BTBD9: variants seen among roughly 807,000 people sequenced by gnomAD.
The protein encoded by BTBD9 is BTB/POZ domain-containing protein 9.
BTBD9 carries 49 observed loss-of-function variants against 64.3 expected under a neutral mutation model. The observed-to-expected ratio is 0.76, with a 90% CI of 0.61 to 0.97. The LOEUF is 0.97. BTBD9 is among the 50% of genes least tolerant of loss of function. The pLI is 0.00. For synonymous variants in BTBD9, 260 were observed against 274.7 expected (o/e 0.95, Z 0.53); for missense variants, 598 against 762.1 (o/e 0.78, Z 2.53).
intron 7 of BTBD9, among the ~76,000 whole-genome samples, chr6:38,334,056 G>C (rs1763786546): frequency 6.6e-6 from 1 of 152,190 alleles, no homozygotes; most frequent in South Asian, 2.1e-4. Context: ...TTGGGAACTG[G>C]AGTAAAGGTC....
At chr6:38,466,553 A>G (rs1474690107) in intron 6 of BTBD9, among the ~76,000 whole-genome samples, 1 of 151,526 alleles carries the variant, frequency 6.6e-6, no homozygotes, top group African/African-American at 2.4e-5. Context: ...TCGGCCTCCC[A>G]AATTGCTAGG....
At chr6:38,411,448 G>A (rs1767421292) in intron 6 of BTBD9, among the ~76,000 whole-genome samples, 1 of 152,114 alleles carries the variant, frequency 6.6e-6, no homozygotes, top group Non-Finnish European at 1.5e-5. Context: ...GCAAATCAGG[G>A]ATGGGCTTTT....
chr6:38,207,490 G>A, intron 9 of BTBD9: 1 of 158,154 alleles, frequency 6.3e-6, no homozygotes, highest in Non-Finnish European at 1.4e-5. Context: ...AGGTGTGGTG[G>A]CACATGCTTG....
At chr6:38,366,717 T>C (rs1194117363) in intron 6 of BTBD9, among the ~76,000 whole-genome samples, 1 of 152,194 alleles carries the variant, frequency 6.6e-6, no homozygotes, top group Non-Finnish European at 1.5e-5. Context: ...AAAAGAATGA[T>C]GAATGTAATG....
At chr6:38,404,552 A>T (rs200042382) in intron 6 of BTBD9, among the ~76,000 whole-genome samples, 7 of 57,782 alleles carry the variant, frequency 1.2e-4, no homozygotes, top group Non-Finnish European at 1.8e-4. Context: ...GCAAGTCAAT[A>T]AAAAAAAACA....
At chr6:38,286,225 C>A (rs1488131544) in intron 8 of BTBD9, among the ~76,000 whole-genome samples, 1 of 152,194 alleles carries the variant, frequency 6.6e-6, no homozygotes, top group African/African-American at 2.4e-5. Context: ...AATGAAGAAT[C>A]CACAGTCTGA....
intron 6 of BTBD9, among the ~76,000 whole-genome samples, chr6:38,436,286 A>G (rs1377316801): frequency 6.6e-6 from 1 of 151,814 alleles, no homozygotes; most frequent in Non-Finnish European, 1.5e-5. Context: ...CTTTCTATAA[A>G]TACTTTATTT....
intron 7 of BTBD9, among the ~76,000 whole-genome samples, chr6:38,304,564 A>AAC (rs1762553970): frequency 6.6e-6 from 1 of 151,668 alleles, no homozygotes; most frequent in African/African-American, 2.4e-5. Context: ...AACAAAAAAA[A>AAC]AAAAAAAACC....
At chr6:38,238,667 G>A (rs1036361933) in intron 9 of BTBD9, among the ~76,000 whole-genome samples, 1 of 151,956 alleles carries the variant, frequency 6.6e-6, no homozygotes. Context: ...TAGAGACGGG[G>A]TTTCACCGTG....
intron 6 of BTBD9, among the ~76,000 whole-genome samples, chr6:38,525,108 A>T (rs1445902238): frequency 6.6e-6 from 1 of 152,164 alleles, no homozygotes; most frequent in East Asian, 1.9e-4. Context: ...CTGTGTCCCC[A>T]CCCAAACCTC....
chr6:38,328,887 C>T (rs911250091), intron 7 of BTBD9, among the ~76,000 whole-genome samples: 6 of 149,402 alleles, frequency 4.0e-5, no homozygotes, highest in African/African-American at 1.5e-4. Context: ...GTGGAGTTTG[C>T]AGTGAGCCAA....
chr6:38,445,872 T>C (rs1345799963), intron 6 of BTBD9, among the ~76,000 whole-genome samples: 2 of 152,190 alleles, frequency 1.3e-5, no homozygotes, highest in South Asian at 4.1e-4. Context: ...TCTTGGCTAA[T>C]ATAAAGTTAT....
chr6:38,294,775 C>G (rs1762097141), intron 7 of BTBD9, among the ~76,000 whole-genome samples: 2 of 150,524 alleles, frequency 1.3e-5, no homozygotes, highest in Middle Eastern at 6.8e-3. Flanking sequence ...ACATTCTGCA[C>G]ATGTATCCCA....
intron 6 of BTBD9, among the ~76,000 whole-genome samples, chr6:38,453,274 A>G (rs1169640692): frequency 1.3e-5 from 2 of 152,170 alleles, no homozygotes; most frequent in Non-Finnish European, 2.9e-5. Context: ...TCTTTCAGCT[A>G]TTATATGGGT....
At chr6:38,613,406 G>T (rs1446353542) in intron 1 of BTBD9, among the ~76,000 whole-genome samples, 1 of 152,180 alleles carries the variant, frequency 6.6e-6, no homozygotes, top group Non-Finnish European at 1.5e-5. Flanking sequence ...TGGATTACCT[G>T]AGGTCAGGAA....
chr6:38,277,710 C>T (rs1761333650), intron 8 of BTBD9, among the ~76,000 whole-genome samples: 1 of 152,144 alleles, frequency 6.6e-6, no homozygotes, highest in Non-Finnish European at 1.5e-5. Flanking sequence ...CATCCAGAAG[C>T]TGTGGACTCT....
intron 6 of BTBD9, among the ~76,000 whole-genome samples, chr6:38,524,182 G>A (rs1773386944): frequency 6.6e-6 from 1 of 151,798 alleles, no homozygotes; most frequent in Non-Finnish European, 1.5e-5. Flanking sequence ...ACAGAAATAA[G>A]AGTAACTAGC....
intron 8 of BTBD9, 38 bp downstream of exon 8, chr6:38,288,234 C>G (rs372226640): frequency 6.5e-5 from 103 of 1,576,762 alleles, no homozygotes; most frequent in Non-Finnish European, 8.7e-5. Flanking sequence ...TGTGTATCTT[C>G]CATTTTAAAA....
chr6:38,213,027 T>C (rs944299555), intron 9 of BTBD9, among the ~76,000 whole-genome samples: 5 of 152,026 alleles, frequency 3.3e-5, no homozygotes, highest in Non-Finnish European at 7.4e-5. Flanking sequence ...CAGGTGTTTT[T>C]TTTTTTTTAA....
Sources: allele counts gnomAD v4.1 joint callset (sites outside exome capture counted in the v4.1 genomes callset), GRCh38; gene constraint gnomAD v4.1.1; transcripts MANE v1.5; gene names NCBI Gene and HGNC (gene_info 2026-07-23, HGNC 2026-07-21).